The following UBP1 variants were observed in gnomAD, a reference collection of about 807,000 sequenced individuals.
UBP1 encodes the protein upstream-binding protein 1.
Under a neutral mutation model 76.1 loss-of-function variants are expected in UBP1, and 22 were observed. The ratio of observed to expected loss-of-function variants is 0.29; its 90% CI spans 0.21 to 0.41. UBP1 has a LOEUF of 0.41. Ranked by LOEUF, UBP1 falls within the 10% of genes least tolerant of loss-of-function variation. The pLI is 1.00. For missense variants in UBP1, 436 were observed against 668.1 expected, an observed-to-expected ratio of 0.65 and a Z score of 3.83; for synonymous variants, 224 against 237.1, an observed-to-expected ratio of 0.94 and a Z score of 0.51.
chr3:33,428,593 G>T (rs941457156), intron 1 of UBP1, among the ~76,000 whole-genome samples: 1 of 151,720 alleles, frequency 6.6e-6, no homozygotes, highest in Non-Finnish European at 1.5e-5. Context: ...TATGCTCATG[G>T]TAAGTGCTAA....
chr3:33,389,460 T>C lies in UBP1; in HGVS notation c.*871A>G, dbSNP rs1382048240. The C allele has an allele frequency of 1.2e-5, 1 of 86,392 alleles. No individual in the cohort carries two copies. The highest frequency in any genetic ancestry group is 3.3e-4 in the East Asian group (1 of 2,998). The allele number at this position is 86,392 out of a possible 1,614,324, so 5.4% of individuals were successfully genotyped here. A position where few individuals can be genotyped will look rare whatever the true frequency, so the allele number is the denominator to read the frequency against. ...GGGGTAGGGCTTTAAAAATGTTTAA[T>C]AGGATGGTGGGGGTGGGGGGTTAGG... On this transcript the variant is annotated 3_prime_UTR_variant, in exon 16 of 16. Transcript: ENST00000283629.
intron 2 of UBP1, among the ~76,000 whole-genome samples, chr3:33,425,216 T>G (rs2044992122): frequency 6.6e-6 from 1 of 152,228 alleles, no homozygotes; most frequent in Non-Finnish European, 1.5e-5. Context: ...AAGTCTATTT[T>G]CAGCACAGAA....
chr3:33,426,038 T>TATATATATAC (rs1364865528), intron 1 of UBP1, among the ~76,000 whole-genome samples: 1 of 83,186 alleles, frequency 1.2e-5, no homozygotes, highest in Non-Finnish European at 2.3e-5. Context: ...TATATATATA[T>TATATATATAC]AGCACTTTAA....
chr3:33,404,373 T>C (rs574676741), intron 8 of UBP1, among the ~76,000 whole-genome samples: 248 of 151,820 alleles, frequency 1.6e-3, no homozygotes, highest in Non-Finnish European at 2.9e-3. Context: ...GATCGTGCCA[T>C]TGTACTCCAG....
At chr3:33,390,452 A>G (rs2043714522) in intron 15 of UBP1, 84 bp from the exon 16 acceptor site, 3 of 1,417,410 alleles carry the variant, frequency 2.1e-6, no homozygotes, top group Non-Finnish European at 3.0e-6. Flanking sequence ...GCCAACTACA[A>G]CCTCCCTTCC....
At chr3:33,400,156 C>T (rs2044167726) in intron 11 of UBP1, 33 bp downstream of exon 11, 22 of 1,366,610 alleles carry the variant, frequency 1.6e-5, no homozygotes, top group East Asian at 2.7e-5. Flanking sequence ...ACAAAACATT[C>T]TCATGCACAG....
In UBP1 at chr3:33,393,422, C is replaced by G; in HGVS notation, c.1423G>C (p.Ala475Pro). 6.2e-7 allele frequency: 1 copy of G among 1,609,070 alleles called. No individual in the cohort carries two copies. Among genetic ancestry groups the G allele is most frequent in the Non-Finnish European group, 8.5e-7 (1 of 1,178,178 alleles). The change falls in exon 14 of 16, where the codon GCC becomes CCC. Residue 475 changes from alanine to proline, a missense_variant. Physicochemically the swap from Ala to Pro is conservative, Grantham distance 27. Transcript: ENST00000283629. ...GCAAGTTTTCGAGCAACTTCTGAGGCAATCATTTCTTCCAAGTAGATTGCA... is the reference window on the plus strand; with the variant it reads ...GCAAGTTTTCGAGCAACTTCTGAGGGAATCATTTCTTCCAAGTAGATTGCA... ...YHAIYLEEMIASEVARKLALV... is the reference protein window; with the variant it reads ...YHAIYLEEMIPSEVARKLALV...
At chr3:33,417,889 G>T (rs538663613) in intron 2 of UBP1, among the ~76,000 whole-genome samples, 15 of 152,172 alleles carry the variant, frequency 9.9e-5, no homozygotes, top group African/African-American at 3.6e-4. Flanking sequence ...ATTCAACAAG[G>T]GGTTATCAAA....
chr3:33,432,469 A>G (rs1338204192), intron 1 of UBP1, among the ~76,000 whole-genome samples: 3 of 152,250 alleles, frequency 2.0e-5, no homozygotes, highest in Non-Finnish European at 4.4e-5. Context: ...ACTACAACAT[A>G]TACAGCATCC....
At chr3:33,436,987 T>C (rs2045214411) in intron 1 of UBP1, among the ~76,000 whole-genome samples, 1 of 152,160 alleles carries the variant, frequency 6.6e-6, no homozygotes, top group Admixed American at 6.5e-5. Flanking sequence ...ACCAAGATTT[T>C]TAAAAACATT....
intron 3 of UBP1, among the ~76,000 whole-genome samples, chr3:33,415,172 T>C (rs1186368164): frequency 2.0e-5 from 3 of 152,260 alleles, no homozygotes; most frequent in African/African-American, 7.2e-5. Context: ...AGGTATCACC[T>C]ATCAGACTAA....
At chr3:33,412,398 T>C (rs2044611414) in intron 4 of UBP1, among the ~76,000 whole-genome samples, 1 of 151,678 alleles carries the variant, frequency 6.6e-6, no homozygotes, top group Non-Finnish European at 1.5e-5. Flanking sequence ...TGTGTGCGTA[T>C]GTATATATAG....
intron 2 of UBP1, among the ~76,000 whole-genome samples, chr3:33,418,460 T>C (rs1006552464): frequency 2.0e-5 from 3 of 151,878 alleles, no homozygotes; most frequent in African/African-American, 4.8e-5. Flanking sequence ...GGTTTCGCCA[T>C]GTTGGCCAGG....
chr3:33,396,625 G>A (rs576314187), intron 12 of UBP1: 4 of 401,036 alleles, frequency 1.0e-5, no homozygotes, highest in African/African-American at 8.1e-5. Flanking sequence ...ATAGTAAATG[G>A]TTCTTACAAG....
Position 33,433,954 on chromosome 3 carries a change from T to C in UBP1, c.113+5782A>G, listed in dbSNP as rs899366616. ...ATAATAATAATAATAGTATCAGTCA[T>C]AGAACCTACAGCTAAGAAAAAAAAA... On this transcript the variant is annotated intron_variant, in intron 1 of 15. Transcript: ENST00000283629. Among the ~76,000 whole-genome samples, 17 of 151,874 alleles carry C rather than the reference T, an allele frequency of 1.1e-4. 1 individual carries two copies. The highest frequency in any genetic ancestry group is 4.1e-4 in the African/African-American group (17 of 41,308).
intron 7 of UBP1, 27 bp from the exon 8 acceptor site, chr3:33,408,824 A>G: frequency 6.3e-7 from 1 of 1,583,506 alleles, no homozygotes; most frequent in Non-Finnish European, 8.7e-7. Flanking sequence ...GATTGGGATC[A>G]ATGTCTTTTC....
chr3:33,419,461 C>G (rs1207965631), intron 2 of UBP1, among the ~76,000 whole-genome samples: 1 of 152,120 alleles, frequency 6.6e-6, no homozygotes. Flanking sequence ...AACCCCGTCT[C>G]TACTAAAAAT....
chr3:33,400,131 A>G, intron 11 of UBP1, 58 bp downstream of exon 11: 29 of 1,173,572 alleles, frequency 2.5e-5, no homozygotes, highest in Non-Finnish European at 3.2e-5. Flanking sequence ...AGTTAATAAA[A>G]GCACAGAAAC....
chr3:33,398,337 G>A (rs748781734), intron 11 of UBP1: 2 of 152,206 alleles, frequency 1.3e-5, no homozygotes, highest in Non-Finnish European at 2.9e-5. Context: ...CATCTCCCAT[G>A]AGACATGAGC....
Sources: allele counts gnomAD v4.1 joint callset (sites outside exome capture counted in the v4.1 genomes callset), GRCh38; gene constraint gnomAD v4.1.1; transcripts MANE v1.5; gene names NCBI Gene and HGNC (gene_info 2026-07-23, HGNC 2026-07-21).